The following SMAP1 variants were observed in gnomAD, a reference collection of about 807,000 sequenced individuals.
The protein encoded by SMAP1 is small ArfGAP 1.
Under a neutral mutation model 58.5 loss-of-function variants are expected in SMAP1, and 24 were observed. The ratio of observed to expected loss-of-function variants is 0.41; its 90% CI spans 0.30 to 0.58. SMAP1 has a LOEUF of 0.58. Ranked by LOEUF, SMAP1 falls within the 20% of genes least tolerant of loss-of-function variation. The probability of loss-of-function intolerance (pLI) is 0.29; values close to 1 mark genes in which losing one functional copy is unlikely to be tolerated. For missense variants in SMAP1, 563 were observed against 566.3 expected (o/e 0.99, Z 0.06); for synonymous variants, 216 against 196.6 (o/e 1.10, Z -0.82).
rs1771675474 is a variant in SMAP1 at position 70,860,576 on chromosome 6, A to G, written c.*242A>G. ...TATTTCCCATGATTTCATGTACTGC[A>G]TTATTTGAGAAGCTGCTCAACTTGC... is the stretch of plus-strand genomic sequence containing the variant. On this transcript the variant is annotated 3_prime_UTR_variant, in exon 11 of 11. Transcript: ENST00000370455. The G allele has an allele frequency of 4.6e-6, 2 of 438,046 alleles. No individual in the cohort carries two copies. Among genetic ancestry groups the G allele is most frequent in the East Asian group, 6.9e-5 (2 of 29,132 alleles). The allele number at this position is 438,046 out of a possible 1,614,324, so 27.1% of individuals were successfully genotyped here.
Position 70,732,322 on chromosome 6 carries a change from T to C in SMAP1, c.119-56T>C, listed in dbSNP as rs191253087. On this transcript the variant is annotated intron_variant, in intron 1 of 10. Coordinates refer to ENST00000370455, the MANE Select transcript of SMAP1 (RefSeq NM_001044305.3). ...CGAGAATGCTTCTAATATGCTGTTATGTTTATTTTTGTTTTTAACATTTGC... is the reference window on the plus strand; with the variant it reads ...CGAGAATGCTTCTAATATGCTGTTACGTTTATTTTTGTTTTTAACATTTGC... 8.7e-4 allele frequency: 1,354 copies of C among 1,551,896 alleles called. 4 individuals carry two copies. The highest frequency in any genetic ancestry group is 1.4e-3 in the South Asian group (113 of 82,012).
chr6:70,856,222 T>C (rs575397489), intron 8 of SMAP1, among the ~76,000 whole-genome samples: 7 of 152,350 alleles, frequency 4.6e-5, no homozygotes, highest in African/African-American at 1.4e-4. Flanking sequence ...AGATTGAGAA[T>C]ATTTTATATT....
chr6:70,790,332 G>A (rs1258095143), intron 4 of SMAP1, among the ~76,000 whole-genome samples: 1 of 151,932 alleles, frequency 6.6e-6, no homozygotes, highest in East Asian at 1.9e-4. Context: ...AGTAGAGACG[G>A]TTCCCCATGT....
intron 6 of SMAP1, among the ~76,000 whole-genome samples, chr6:70,826,093 G>T (rs193244312): frequency 6.6e-6 from 1 of 152,196 alleles, no homozygotes; most frequent in Non-Finnish European, 1.5e-5. Flanking sequence ...AAGCACTTAT[G>T]TGCCAGCTAC....
rs1388901274 is a variant in SMAP1, at chr6:70,748,379, CT to C, written c.253-6600del. 2.6e-5 allele frequency among the ~76,000 whole-genome samples: 4 copies of C among 152,036 alleles called. No homozygotes were observed. The South Asian group carries it at 6.2e-4, about 24-fold the overall frequency. ...AATAATAGAGCAAGTAGTTTCCCCC[CT>C]CCCACACAAATACATTAAAAATTTA... On this transcript the variant is annotated intron_variant, in intron 2 of 10. Coordinates refer to ENST00000370455, the MANE Select transcript of SMAP1 (RefSeq NM_001044305.3).
At chr6:70,720,832 C>T (rs1434186015) in intron 1 of SMAP1, among the ~76,000 whole-genome samples, 1 of 152,152 alleles carries the variant, frequency 6.6e-6, no homozygotes, top group Non-Finnish European at 1.5e-5. Flanking sequence ...GGACCCTGGG[C>T]CCGGCCCATG....
At chr6:70,737,380 C>T (rs1003620074) in intron 2 of SMAP1, among the ~76,000 whole-genome samples, 3 of 152,170 alleles carry the variant, frequency 2.0e-5, no homozygotes, top group Non-Finnish European at 4.4e-5. Context: ...GTCCTGACCT[C>T]AGGTGATCCA....
At chr6:70,788,324 T>G in intron 4 of SMAP1, among the ~76,000 whole-genome samples, 1 of 135,218 alleles carries the variant, frequency 7.4e-6, no homozygotes, top group Non-Finnish European at 1.6e-5. Flanking sequence ...GGGGGAGGGA[T>G]AGCATTAGGA....
intron 1 of SMAP1, among the ~76,000 whole-genome samples, chr6:70,723,112 G>C (rs1324211270): frequency 1.3e-5 from 2 of 152,126 alleles, no homozygotes; most frequent in East Asian, 3.8e-4. Context: ...TCTTTTGTTT[G>C]TTTGTTTGGA....
intron 10 of SMAP1, chr6:70,859,648 T>C: frequency 3.5e-6 from 1 of 286,366 alleles, no homozygotes; most frequent in African/African-American, 2.2e-5. Context: ...CTTATATATA[T>C]ATATATTTGA....
chr6:70,856,866 C>G lies in SMAP1; in HGVS notation c.797C>G (p.Pro266Arg). ...ATVMPPAQGT[P>R]SAPAAATLST... ...TTTTGGTGTTTGTCTCAGGGGACAC[C>G]CTCTGCACCAGCAGCTGCAACCCTG... Residue 266 changes from proline (P) to arginine (R), a missense_variant, in exon 9 of 11, where the codon CCC (proline) becomes CGC (arginine). Pro to Arg is a moderately radical substitution (Grantham distance 103, BLOSUM62 -2). Transcript: ENST00000370455. The G allele has an allele frequency of 6.2e-7, 1 of 1,610,762 alleles. No individual in the cohort carries two copies. The highest frequency in any genetic ancestry group is 8.5e-7 in the Non-Finnish European group (1 of 1,178,086).
intron 5 of SMAP1, among the ~76,000 whole-genome samples, chr6:70,793,120 C>G (rs963418625): frequency 2.6e-5 from 4 of 152,122 alleles, no homozygotes; most frequent in Non-Finnish European, 5.9e-5. Context: ...CTGCAGCCTC[C>G]ATCACCTGGG....
At chr6:70,685,502 G>A (rs536623895) in intron 1 of SMAP1, among the ~76,000 whole-genome samples, 1 of 152,270 alleles carries the variant, frequency 6.6e-6, no homozygotes, top group African/African-American at 2.4e-5. Context: ...GCTGGGGAAG[G>A]TTTTTAATAA....
intron 4 of SMAP1, among the ~76,000 whole-genome samples, chr6:70,785,573 AAAGAG>A (rs1209697635): frequency 6.6e-6 from 1 of 152,232 alleles, no homozygotes; most frequent in Admixed American, 6.5e-5. Context: ...ATAAAGAAGA[AAAGAG>A]AGAAGAATCA....
intron 1 of SMAP1, among the ~76,000 whole-genome samples, chr6:70,700,950 G>A (rs1767602853): frequency 6.6e-6 from 1 of 152,172 alleles, no homozygotes; most frequent in Non-Finnish European, 1.5e-5. Flanking sequence ...TCCTGGAATG[G>A]GGGCCTCAGG....
At chr6:70,802,967 C>T (rs1768931214) in intron 6 of SMAP1, among the ~76,000 whole-genome samples, 1 of 152,074 alleles carries the variant, frequency 6.6e-6, no homozygotes, top group African/African-American at 2.4e-5. Flanking sequence ...CTAAAATTCT[C>T]TTTTTTTGTT....
chr6:70,794,520 A>ATG (rs1768511216), intron 5 of SMAP1, among the ~76,000 whole-genome samples: 1 of 152,006 alleles, frequency 6.6e-6, no homozygotes, highest in Non-Finnish European at 1.5e-5. Flanking sequence ...GGTTTGCTGC[A>ATG]CTCGTCAACT....
chr6:70,776,243 CGCAATCTTGGCTCACT>C (rs1220049813), intron 4 of SMAP1, among the ~76,000 whole-genome samples: 2 of 151,934 alleles, frequency 1.3e-5, no homozygotes, highest in Admixed American at 6.6e-5. Flanking sequence ...AGTGCAGTGG[CGCAATCTTGGCTCACT>C]GCAACCTCTG....
rs758060613 is a variant in SMAP1 at position 70,861,877 on chromosome 6, T to C, written c.*1543T>C. 3.1e-6 allele frequency: 5 copies of C among 1,614,056 alleles called. No individual in the cohort carries two copies. The South Asian group carries it at 3.3e-5, about 11-fold the overall frequency. ...GGTTCCAGTTCTTCGACTGTTGTTA[T>C]CTGTTTGAGAAAGTCAGATTCTTGC... On this transcript the variant is annotated 3_prime_UTR_variant, in exon 11 of 11. Transcript: ENST00000370455.
Sources: gnomAD v4.1 joint callset for allele counts (sites outside exome capture counted in the v4.1 genomes callset) on GRCh38, gnomAD v4.1.1 for gene constraint, MANE v1.5 for transcripts, NCBI Gene and HGNC (gene_info 2026-07-23, HGNC 2026-07-21) for gene names.